Variants in NFIL3 observed in about 807,000 individuals in gnomAD.
The protein encoded by NFIL3 is nuclear factor, interleukin 3 regulated, also known as nuclear factor interleukin-3-regulated protein.
NFIL3 carries 5 observed loss-of-function variants against 10.0 expected under a neutral mutation model. The observed-to-expected ratio is 0.50, with a 90% confidence interval of 0.26 to 1.06. The LOEUF (loss-of-function observed/expected upper bound fraction) is 1.06. NFIL3 is among the 50% of genes least tolerant of loss of function. The probability of loss-of-function intolerance (pLI) is 0.13; values close to 1 mark genes in which losing one functional copy is unlikely to be tolerated. For synonymous variants in NFIL3, 202 were observed against 206.5 expected (o/e 0.98, Z 0.19); for missense variants, 436 against 547.6 (o/e 0.80, Z 2.03).
At chr9:91,437,788 A>C in the NFIL3 span, among the ~76,000 whole-genome samples, 1 of 152,222 alleles carries the variant, frequency 6.6e-6, no homozygotes, top group Admixed American at 6.5e-5. Context: ...AGCTTATTTC[A>C]CTTAGCACAA....
At chr9:91,451,215 C>G in the NFIL3 span, among the ~76,000 whole-genome samples, 2 of 152,076 alleles carry the variant, frequency 1.3e-5, no homozygotes, top group Admixed American at 6.6e-5. Flanking sequence ...CCTTTCACCC[C>G]CTGGCCTTTG....
At chr9:91,419,720 T>G (rs1207480748) in intron 1 of NFIL3, among the ~76,000 whole-genome samples, 2 of 152,240 alleles carry the variant, frequency 1.3e-5, no homozygotes, top group Non-Finnish European at 2.9e-5. Flanking sequence ...TAGTAAATAC[T>G]AACTCTTTAT....
At chr9:91,421,207 C>T (rs1018170996) in intron 1 of NFIL3, among the ~76,000 whole-genome samples, 2 of 151,280 alleles carry the variant, frequency 1.3e-5, no homozygotes, top group Non-Finnish European at 3.0e-5. Context: ...CCGGGTCGCC[C>T]GCGCTGCCCC....
intron 1 of NFIL3, among the ~76,000 whole-genome samples, chr9:91,412,918 T>TGACTA (rs1833582414): frequency 2.6e-5 from 4 of 152,140 alleles, no homozygotes; most frequent in African/African-American, 9.7e-5. Flanking sequence ...TTACGCCTAG[T>TGACTA]TTCATAATGA....
chr9:91,428,482 T>A (rs72741237), upstream of NFIL3, among the ~76,000 whole-genome samples: 2,023 of 152,364 alleles, frequency 0.013, 47 homozygotes, highest in East Asian at 0.078. Context: ...TCTATTAGCA[T>A]GCTTGGCCTT....
At chr9:91,436,452 C>T in the NFIL3 span, among the ~76,000 whole-genome samples, 8 of 146,572 alleles carry the variant, frequency 5.5e-5, no homozygotes, top group Non-Finnish European at 9.0e-5. Context: ...GTGGCGGGCA[C>T]CTTTAGTTTC....
chr9:91,427,845 T>C (rs1833887468), upstream of NFIL3, among the ~76,000 whole-genome samples: 1 of 152,046 alleles, frequency 6.6e-6, no homozygotes, highest in African/African-American at 2.4e-5. Flanking sequence ...AGTGTCTCTC[T>C]ATGTTGCCCA....
At chr9:91,411,774 T>G (rs545456408) in intron 1 of NFIL3, among the ~76,000 whole-genome samples, 3 of 152,222 alleles carry the variant, frequency 2.0e-5, no homozygotes, top group African/African-American at 7.2e-5. Context: ...CAAAATAGAT[T>G]TCAGGTTTCA....
chr9:91,469,639 C>T, the NFIL3 span, among the ~76,000 whole-genome samples: 2,228 of 152,254 alleles, frequency 0.015, 34 homozygotes, highest in Non-Finnish European at 0.022. Flanking sequence ...CCAGTTTTTG[C>T]GCATTCAGTA....
Position 91,409,762 on chromosome 9 carries a change from G to C in NFIL3, c.973C>G (p.His325Asp). 6.2e-7 allele frequency: 1 copy of C among 1,614,230 alleles called. No individual in the cohort carries two copies. The highest frequency in any genetic ancestry group is 8.5e-7 in the Non-Finnish European group (1 of 1,180,040). ...GCTTTGGCTTTGATCCGGAGCTTGTGTGGCAAGGCAGAGGAATTCACTTCT... is the reference window on the plus strand; with the variant it reads ...GCTTTGGCTTTGATCCGGAGCTTGTCTGGCAAGGCAGAGGAATTCACTTCT... ...VPEVNSSALP[H>D]KLRIKAKAMQ... Residue 325 changes from histidine to aspartate, a missense_variant, in exon 2 of 2, where the codon CAC (histidine) becomes GAC (aspartate). His to Asp is a moderately conservative substitution (Grantham distance 81, BLOSUM62 -1). Around this residue, in one of 3 missense-constraint regions of NFIL3, gnomAD observed 338 missense variants for 399.9 expected, o/e 0.85. Coordinates refer to ENST00000297689, the MANE Select transcript of NFIL3 (RefSeq NM_005384.3).
the NFIL3 span, among the ~76,000 whole-genome samples, chr9:91,433,464 G>A: frequency 1.3e-5 from 2 of 152,232 alleles, no homozygotes; most frequent in Non-Finnish European, 2.9e-5. Context: ...GGATTTGCAA[G>A]TATCAAATAC....
At chr9:91,414,495 G>A (rs1212887012) in intron 1 of NFIL3, among the ~76,000 whole-genome samples, 1 of 152,218 alleles carries the variant, frequency 6.6e-6, no homozygotes, top group Non-Finnish European at 1.5e-5. Flanking sequence ...CCGACCTCAG[G>A]TGATCTGCCT....
At chr9:91,412,723 A>G (rs1359337870) in intron 1 of NFIL3, among the ~76,000 whole-genome samples, 1 of 152,096 alleles carries the variant, frequency 6.6e-6, no homozygotes, top group Non-Finnish European at 1.5e-5. Context: ...AGGCGCCTGT[A>G]ATCCCAGCTA....
the NFIL3 span, among the ~76,000 whole-genome samples, chr9:91,429,711 TG>T: frequency 6.6e-6 from 1 of 152,152 alleles, no homozygotes; most frequent in Non-Finnish European, 1.5e-5. Flanking sequence ...TGTTTTCAGC[TG>T]CTGCTGTGTG....
chr9:91,445,141 C>A, the NFIL3 span, among the ~76,000 whole-genome samples: 1,629 of 152,214 alleles, frequency 0.011, 27 homozygotes, highest in African/African-American at 0.037. Context: ...GTGGTCAGGG[C>A]ATAGTACTGA....
the NFIL3 span, among the ~76,000 whole-genome samples, chr9:91,476,619 G>A: frequency 6.7e-6 from 1 of 150,146 alleles, no homozygotes; most frequent in African/African-American, 2.4e-5. Flanking sequence ...GAAATGCAAA[G>A]TGTTTCAACC....
At chr9:91,472,937 T>C in the NFIL3 span, among the ~76,000 whole-genome samples, 20 of 152,226 alleles carry the variant, frequency 1.3e-4, no homozygotes, top group Non-Finnish European at 1.9e-4. Flanking sequence ...TTCTATTTGC[T>C]AGTTTTCTTT....
Position 91,410,918 on chromosome 9 carries a change from G to T in NFIL3, c.-172-12C>A. 1 of 511,236 alleles carries T rather than the reference G, an allele frequency of 2.0e-6. No individual in the cohort carries two copies. Among genetic ancestry groups the T allele is most frequent in the Non-Finnish European group, 3.4e-6 (1 of 289,906 alleles). The allele number at this position is 511,236 out of a possible 1,614,324, so 31.7% of individuals were successfully genotyped here. ...GCCTCCTTCGTTATCTGCAATACATGAATAAAAAAAAAACCAGTTATTCAC... is the reference window on the plus strand; with the variant it reads ...GCCTCCTTCGTTATCTGCAATACATTAATAAAAAAAAAACCAGTTATTCAC... On this transcript the variant is annotated splice_polypyrimidine_tract_variant and intron_variant, in intron 1 of 1. Transcript: ENST00000297689. The surrounding 1 kb of genome is among the most constrained non-coding windows in gnomAD (Gnocchi z 5.7).
upstream of NFIL3, among the ~76,000 whole-genome samples, chr9:91,428,307 T>C (rs777401591): frequency 6.6e-6 from 1 of 152,202 alleles, no homozygotes; most frequent in Non-Finnish European, 1.5e-5. Flanking sequence ...AGATCATTAC[T>C]TCCTGGGATT....
Sources: gnomAD v4.1 joint callset for allele counts (sites outside exome capture counted in the v4.1 genomes callset) on GRCh38, gnomAD v4.1.1 for gene constraint, gnomAD v4.1.1 regional missense constraint, Gnocchi (gnomAD v3.1) non-coding constraint, MANE v1.5 for transcripts, NCBI Gene and HGNC (gene_info 2026-07-23, HGNC 2026-07-21) for gene names.